The following DLG2 variants were observed in gnomAD, a reference collection of about 807,000 sequenced individuals.
The protein encoded by DLG2 is disks large homolog 2.
Under a neutral mutation model 132.5 loss-of-function variants are expected in DLG2, and 45 were observed. The ratio of observed to expected loss-of-function variants is 0.34; its 90% CI spans 0.27 to 0.44. The LOEUF (loss-of-function observed/expected upper bound fraction) is 0.44. DLG2 is among the 20% of genes least tolerant of loss of function. The probability of loss-of-function intolerance (pLI) is 1.00; values close to 1 mark genes in which losing one functional copy is unlikely to be tolerated. For missense variants in DLG2, 1,045 were observed against 1,196.9 expected (o/e 0.87, Z 1.87); for synonymous variants, 424 against 419.6 (o/e 1.01, Z -0.13).
At chr11:84,510,091 T>A (rs2099252918) in intron 7 of DLG2, among the ~76,000 whole-genome samples, 2 of 119,578 alleles carry the variant, frequency 1.7e-5, no homozygotes, top group African/African-American at 6.4e-5. Flanking sequence ...TAGTAAGAGT[T>A]CACTTATTAT....
chr11:84,619,506 A>C lies in DLG2; in HGVS notation c.358-84775T>G, dbSNP rs180860526. 7.0e-4 allele frequency among the ~76,000 whole-genome samples: 106 copies of C among 151,890 alleles called. 1 individual carries two copies. The East Asian group carries it at 8.7e-3, about 12-fold the overall frequency. On this transcript the variant is annotated intron_variant, in intron 6 of 27. Coordinates refer to ENST00000376104, the MANE Select transcript of DLG2 (RefSeq NM_001142699.3). ...AATAATACCAGAATAATAAAATTAA[A>C]ACAAAAATAGTAAGAATAAAAGAAG...
At chr11:83,677,924 C>T (rs1334195253) in intron 18 of DLG2, among the ~76,000 whole-genome samples, 2 of 152,194 alleles carry the variant, frequency 1.3e-5, no homozygotes, top group Non-Finnish European at 2.9e-5. Context: ...ACAGGCGGAA[C>T]CTCCCCTGTG....
intron 3 of DLG2, among the ~76,000 whole-genome samples, chr11:85,359,605 G>A (rs996377946): frequency 2.0e-5 from 3 of 152,132 alleles, no homozygotes; most frequent in Non-Finnish European, 2.9e-5. Flanking sequence ...TCAACTAGAG[G>A]TGATATGCAC....
At chr11:85,163,201 T>C (rs752377160) in intron 4 of DLG2, among the ~76,000 whole-genome samples, 25 of 150,186 alleles carry the variant, frequency 1.7e-4, no homozygotes, top group Non-Finnish European at 7.4e-5. Context: ...CCCCTTTATA[T>C]ATATTACACA....
At chr11:84,539,993 G>A (rs981121790) in intron 6 of DLG2, among the ~76,000 whole-genome samples, 1 of 152,162 alleles carries the variant, frequency 6.6e-6, no homozygotes, top group South Asian at 2.1e-4. Flanking sequence ...GCCATATATA[G>A]AAAGCTGAAA....
At chr11:85,140,810 A>G (rs963498478) in intron 5 of DLG2, among the ~76,000 whole-genome samples, 1 of 151,920 alleles carries the variant, frequency 6.6e-6, no homozygotes, top group African/African-American at 2.4e-5. Context: ...ATGTTTAGCC[A>G]CATATGACAC....
intron 9 of DLG2, among the ~76,000 whole-genome samples, chr11:84,137,925 C>G (rs2047904950): frequency 7.7e-6 from 1 of 129,706 alleles, no homozygotes; most frequent in Non-Finnish European, 1.7e-5. Flanking sequence ...GAGAAACATC[C>G]CCTTAGAAAC....
At chr11:85,401,696 TAGAC>T (rs2088130917) in intron 3 of DLG2, among the ~76,000 whole-genome samples, 1 of 151,840 alleles carries the variant, frequency 6.6e-6, no homozygotes, top group Admixed American at 6.6e-5. Context: ...ACACTAATAA[TAGAC>T]AAACAGAGAG....
chr11:85,222,420 C>T (rs2074708139), intron 4 of DLG2, among the ~76,000 whole-genome samples: 2 of 152,188 alleles, frequency 1.3e-5, no homozygotes. Context: ...AAAACACCCA[C>T]TCTTCTGGAA....
chr11:84,830,425 A>G (rs2078887745), intron 6 of DLG2, among the ~76,000 whole-genome samples: 1 of 149,998 alleles, frequency 6.7e-6, no homozygotes, highest in Non-Finnish European at 1.5e-5. Context: ...AAGCCATTCT[A>G]AAAGGAAAGT....
At chr11:84,494,704 G>C (rs1433207061) in intron 7 of DLG2, among the ~76,000 whole-genome samples, 1 of 152,166 alleles carries the variant, frequency 6.6e-6, no homozygotes, top group Non-Finnish European at 1.5e-5. Flanking sequence ...ACTAGGCAGT[G>C]AGTAGCAGAC....
chr11:84,206,130 ACT>A (rs975151397), intron 8 of DLG2, among the ~76,000 whole-genome samples: 1 of 151,808 alleles, frequency 6.6e-6, no homozygotes, highest in African/African-American at 2.4e-5. Context: ...TGGCATAGAA[ACT>A]CTTTTCAATG....
intron 5 of DLG2, among the ~76,000 whole-genome samples, chr11:85,150,820 T>G (rs1237741934): frequency 6.6e-6 from 1 of 151,590 alleles, no homozygotes; most frequent in Non-Finnish European, 1.5e-5. Context: ...GTATTGCAAA[T>G]AAGGCTGTGA....
At chr11:84,666,259 A>G (rs946785277) in intron 6 of DLG2, among the ~76,000 whole-genome samples, 1 of 152,136 alleles carries the variant, frequency 6.6e-6, no homozygotes, top group African/African-American at 2.4e-5. Flanking sequence ...TAAAGACCTG[A>G]ATAGAACAAA....
chr11:84,558,460 G>C (rs989659892), intron 6 of DLG2, among the ~76,000 whole-genome samples: 1 of 152,088 alleles, frequency 6.6e-6, no homozygotes, highest in African/African-American at 2.4e-5. Context: ...CCTTGTATAA[G>C]GAAACAAGCA....
chr11:85,440,748 G>A (rs573904175), intron 3 of DLG2, among the ~76,000 whole-genome samples: 2 of 152,248 alleles, frequency 1.3e-5, no homozygotes, highest in East Asian at 3.9e-4. Flanking sequence ...TATTAAAGAA[G>A]AAAGACTAGG....
At chr11:84,784,370 T>TAAATAAATA (rs778698670) in intron 6 of DLG2, among the ~76,000 whole-genome samples, 194 of 134,838 alleles carry the variant, frequency 1.4e-3, no homozygotes, top group Middle Eastern at 7.7e-3. Context: ...ATAAATAAAT[T>TAAATAAATA]AAACAAGAGT....
intron 19 of DLG2, among the ~76,000 whole-genome samples, chr11:83,590,698 AG>A (rs1313474671): frequency 6.6e-6 from 1 of 152,248 alleles, no homozygotes; most frequent in East Asian, 1.9e-4. Context: ...TAATGAATCC[AG>A]GAGCTGGTTT....
chr11:84,031,204 C>A (rs1392477808), intron 11 of DLG2, among the ~76,000 whole-genome samples: 1 of 148,988 alleles, frequency 6.7e-6, no homozygotes, highest in African/African-American at 2.5e-5. Flanking sequence ...CATGATTGCT[C>A]TCTCATCTCT....
Sources: gnomAD v4.1 joint callset for allele counts (sites outside exome capture counted in the v4.1 genomes callset) on GRCh38, gnomAD v4.1.1 for gene constraint, MANE v1.5 for transcripts, NCBI Gene and HGNC (gene_info 2026-07-23, HGNC 2026-07-21) for gene names.